Variants in ZRANB3 observed in about 807,000 individuals in gnomAD.
ZRANB3 encodes zinc finger RANBP2-type containing 3.
ZRANB3 carries 125 observed loss-of-function variants against 133.8 expected under a neutral mutation model. That is an observed-to-expected ratio of 0.93 (90% CI 0.81 to 1.08). The LOEUF is 1.08. Among genes scored for constraint, ZRANB3 ranks in the 50% least tolerant of loss-of-function variants. The probability of loss-of-function intolerance (pLI) is 0.00; values close to 1 mark genes in which losing one functional copy is unlikely to be tolerated. For synonymous variants in ZRANB3, 387 were observed against 432.7 expected (o/e 0.89, Z 1.31); for missense variants, 1,229 against 1,275.5 (o/e 0.96, Z 0.56).
chr2:135,503,604 A>G (rs113415348), intron 2 of ZRANB3, among the ~76,000 whole-genome samples: 117 of 152,338 alleles, frequency 7.7e-4, no homozygotes, highest in African/African-American at 2.6e-3. Flanking sequence ...TACAGACAGT[A>G]GTATAAGGTA....
At chr2:135,295,087 G>C (rs532176857) in intron 8 of ZRANB3, among the ~76,000 whole-genome samples, 1 of 152,168 alleles carries the variant, frequency 6.6e-6, no homozygotes, top group Non-Finnish European at 1.5e-5. Flanking sequence ...ATTTGGGGTG[G>C]AGAGTTCTGT....
intron 6 of ZRANB3, among the ~76,000 whole-genome samples, chr2:135,324,912 C>G (rs778434755): frequency 6.6e-6 from 1 of 152,072 alleles, no homozygotes; most frequent in Non-Finnish European, 1.5e-5. Flanking sequence ...CCTTTGCCCA[C>G]TTGTTGATGG....
rs534642518 is a variant in ZRANB3, at chr2:135,480,923, G to A, written c.161+23406C>T. Among the ~76,000 whole-genome samples, 372 of 145,398 alleles carry A rather than the reference G, an allele frequency of 2.6e-3. 2 individuals carry two copies. Among genetic ancestry groups the A allele is most frequent in the African/African-American group, 9.3e-3 (351 of 37,638 alleles). ...AATGATGATTTCCAATTTCATCCATGTCCCTACAAAGGACATGAACTCATC... is the reference window on the plus strand; with the variant it reads ...AATGATGATTTCCAATTTCATCCATATCCCTACAAAGGACATGAACTCATC... On this transcript the variant is annotated intron_variant, in intron 2 of 20. Coordinates refer to ENST00000264159, the MANE Select transcript of ZRANB3 (RefSeq NM_032143.4).
At chr2:135,354,773 G>A (rs1229482116) in intron 3 of ZRANB3, among the ~76,000 whole-genome samples, 1 of 152,166 alleles carries the variant, frequency 6.6e-6, no homozygotes, top group Non-Finnish European at 1.5e-5. Flanking sequence ...GGCTGGAGGT[G>A]GGGGAGGGGA....
chr2:135,260,665 TTATA>T (rs1253077386), intron 12 of ZRANB3, among the ~76,000 whole-genome samples: 1 of 146,680 alleles, frequency 6.8e-6, no homozygotes, highest in Non-Finnish European at 1.5e-5. Flanking sequence ...ATACTTGAAT[TTATA>T]TATACTTGAA....
intron 2 of ZRANB3, among the ~76,000 whole-genome samples, chr2:135,421,213 G>C (rs1443635853): frequency 1.3e-5 from 2 of 152,142 alleles, no homozygotes; most frequent in African/African-American, 4.8e-5. Context: ...ATGGAAAACT[G>C]AACTGCTTGT....
intron 2 of ZRANB3, among the ~76,000 whole-genome samples, chr2:135,443,120 A>G (rs567338418): frequency 3.0e-5 from 4 of 132,498 alleles, no homozygotes; most frequent in African/African-American, 1.1e-4. Context: ...CATCTCAAAA[A>G]AAAAAAGAAA....
intron 2 of ZRANB3, among the ~76,000 whole-genome samples, chr2:135,435,051 C>A (rs76760399): frequency 0.01 from 1,570 of 151,376 alleles, 25 homozygotes; most frequent in African/African-American, 0.036. Flanking sequence ...GGTAAACATT[C>A]GTCACAGGGG....
intron 12 of ZRANB3, among the ~76,000 whole-genome samples, chr2:135,238,456 C>T (rs559710309): frequency 6.7e-6 from 1 of 149,710 alleles, no homozygotes; most frequent in South Asian, 2.1e-4. Context: ...TACAATGGCG[C>T]AATCTTGGCT....
In ZRANB3 at chr2:135,227,859, GT is replaced by G; in HGVS notation, c.2110del (p.Thr704HisfsTer31). ...PGQLADSKEE[T>X]PKIEKEDGLT... ...TCCGTCTTCTTTCTCAATTTTTGGTGTTTCTTCCTTGCTGTCAGCCAACTGG... is the reference window on the plus strand; with the variant it reads ...TCCGTCTTCTTTCTCAATTTTTGGTGTTCTTCCTTGCTGTCAGCCAACTGG... On this transcript the variant is annotated frameshift_variant, in exon 14 of 21. Coordinates refer to ENST00000264159, the MANE Select transcript of ZRANB3 (RefSeq NM_032143.4). LOFTEE classifies it high-confidence loss of function. The G allele has an allele frequency of 6.3e-7, 1 of 1,576,984 alleles. No homozygotes were observed. Among genetic ancestry groups the G allele is most frequent in the Non-Finnish European group, 8.6e-7 (1 of 1,159,464 alleles).
chr2:135,512,434 A>T (rs753075718), intron 1 of ZRANB3, among the ~76,000 whole-genome samples: 7 of 148,932 alleles, frequency 4.7e-5, no homozygotes, highest in Non-Finnish European at 1.0e-4. Context: ...TGGGGAGATA[A>T]TTTTTTTTTT....
At chr2:135,280,453 G>C (rs1443970847) in intron 8 of ZRANB3, among the ~76,000 whole-genome samples, 1 of 152,136 alleles carries the variant, frequency 6.6e-6, no homozygotes, top group Non-Finnish European at 1.5e-5. Flanking sequence ...TGTGGTCCCA[G>C]CTACTCGGGA....
chr2:135,507,724 G>C (rs937440811), intron 1 of ZRANB3, among the ~76,000 whole-genome samples: 2 of 151,652 alleles, frequency 1.3e-5, no homozygotes, highest in African/African-American at 4.9e-5. Flanking sequence ...TTGGGAGGTT[G>C]AGGCAGAATA....
At chr2:135,473,160 CCT>C (rs1335901563) in intron 2 of ZRANB3, among the ~76,000 whole-genome samples, 1 of 152,122 alleles carries the variant, frequency 6.6e-6, no homozygotes, top group Non-Finnish European at 1.5e-5. Context: ...TCATGATGTC[CCT>C]TCTCCATAAA....
At chr2:135,508,695 T>C (rs1302862828) in intron 1 of ZRANB3, among the ~76,000 whole-genome samples, 4 of 152,162 alleles carry the variant, frequency 2.6e-5, no homozygotes, top group African/African-American at 9.6e-5. Context: ...ATGAATGTTT[T>C]TGTTAATCCT....
At chr2:135,368,220 G>C (rs1462238102) in intron 3 of ZRANB3, among the ~76,000 whole-genome samples, 1 of 151,668 alleles carries the variant, frequency 6.6e-6, no homozygotes, top group Admixed American at 6.6e-5. Flanking sequence ...AATACATAAT[G>C]AACTTCAGAA....
rs115961809 is a variant in ZRANB3 at position 135,207,813 on chromosome 2, C to T, written c.2630G>A (p.Cys877Tyr). ...TGTGTATGGATTTAGAAATGGGACA[C>T]AGGCTCCATCTTCAAGAAGTTTTCT... ...FTKKLLEDGA[C>Y]VPFLNPYTVQ... is the part of the protein sequence containing the mutation. Residue 877 changes from cysteine (C) to tyrosine (Y), a missense_variant, in exon 19 of 21, where the codon TGT becomes TAT. By Grantham distance (194) the Cys-to-Tyr change is radical. Coordinates refer to ENST00000264159, the MANE Select transcript of ZRANB3 (RefSeq NM_032143.4). The T allele has an allele frequency of 5.6e-4, 898 of 1,593,986 alleles. 5 individuals are homozygous for T. In the African/African-American group the frequency reaches 0.01, roughly 18 times the overall value.
At chr2:135,285,136 C>T (rs1009652962) in intron 8 of ZRANB3, among the ~76,000 whole-genome samples, 19 of 152,300 alleles carry the variant, frequency 1.2e-4, no homozygotes, top group African/African-American at 4.1e-4. Flanking sequence ...TGAGCCACCG[C>T]GCCTGGCAAA....
intron 6 of ZRANB3, among the ~76,000 whole-genome samples, chr2:135,318,648 G>C (rs867436175): frequency 1.3e-5 from 2 of 152,010 alleles, no homozygotes; most frequent in Non-Finnish European, 2.9e-5. Flanking sequence ...GCTTAACTTC[G>C]GGGTCATAGT....
Sources: allele counts gnomAD v4.1 joint callset (sites outside exome capture counted in the v4.1 genomes callset), GRCh38; gene constraint gnomAD v4.1.1; transcripts MANE v1.5; gene names NCBI Gene and HGNC (gene_info 2026-07-23, HGNC 2026-07-21).